FAM184A: variants seen among roughly 807,000 people sequenced by gnomAD.
FAM184A encodes the protein family with sequence similarity 184 member A, also known as protein FAM184A.
FAM184A carries 99 observed loss-of-function variants against 143.8 expected under a neutral mutation model. The observed-to-expected ratio is 0.69, with a 90% CI of 0.58 to 0.81. FAM184A has a LOEUF of 0.81. Among genes scored for constraint, FAM184A ranks in the 40% least tolerant of loss-of-function variants. The probability of loss-of-function intolerance (pLI) is 0.00; values close to 1 mark genes in which losing one functional copy is unlikely to be tolerated. For synonymous variants in FAM184A, 427 were observed against 446.4 expected, an observed-to-expected ratio of 0.96 and a Z score of 0.55; for missense variants, 1,217 against 1,310.5, an observed-to-expected ratio of 0.93 and a Z score of 1.10.
At chr6:119,013,801 C>T (rs1785159973) in intron 5 of FAM184A, among the ~76,000 whole-genome samples, 2 of 152,232 alleles carry the variant, frequency 1.3e-5, no homozygotes, top group African/African-American at 2.4e-5. Flanking sequence ...GGAAAGCACA[C>T]TGAGGCAGAT....
In FAM184A at chr6:118,970,808, C is replaced by T. The variant is rs145684458; in HGVS notation, c.2915+3620G>A. 9.2e-5 allele frequency among the ~76,000 whole-genome samples: 14 copies of T among 152,306 alleles called. No homozygotes were observed. The East Asian group carries it at 2.7e-3, about 29-fold the overall frequency. ...GGGCCACTGATGGATTCTCACCAGG[C>T]ATGCATGCCCTGCTTTCTTTGGCTC... On this transcript the variant is annotated intron_variant, in intron 14 of 17. Transcript: ENST00000338891.
chr6:119,066,947 G>A (rs1199396923), intron 1 of FAM184A, among the ~76,000 whole-genome samples: 1 of 152,212 alleles, frequency 6.6e-6, no homozygotes, highest in African/African-American at 2.4e-5. Context: ...CTCCCACAGT[G>A]ACAATTTATG....
chr6:118,999,106 T>C (rs909496319), intron 9 of FAM184A, among the ~76,000 whole-genome samples: 1 of 152,126 alleles, frequency 6.6e-6, no homozygotes, highest in African/African-American at 2.4e-5. Flanking sequence ...GATGAACTAG[T>C]TGTCTGGTGT....
rs1167976649 is a variant in FAM184A at position 119,110,801 on chromosome 6, T to G, written c.-202+38277A>C. Among the ~76,000 whole-genome samples, 4 of 152,344 alleles carry G rather than the reference T, an allele frequency of 2.6e-5. No individual in the cohort carries two copies. In the East Asian group the frequency reaches 5.8e-4, roughly 22 times the overall value. On this transcript the variant is annotated intron_variant, in intron 1 of 16. Coordinates refer to the FAM184A transcript ENST00000352896. ...AACCCACACAAATGCTTCCAGCATTTCTTATGTTGAACATAGGCGACCTGG... is the reference window on the plus strand; with the variant it reads ...AACCCACACAAATGCTTCCAGCATTGCTTATGTTGAACATAGGCGACCTGG...
intron 1 of FAM184A, among the ~76,000 whole-genome samples, chr6:119,105,937 A>C (rs548426908): frequency 6.6e-6 from 1 of 152,326 alleles, no homozygotes; most frequent in East Asian, 1.9e-4. Context: ...TAACGTGAAG[A>C]TATCAGTCAT....
intron 1 of FAM184A, among the ~76,000 whole-genome samples, chr6:119,051,671 T>TA (rs1786772472): frequency 6.6e-6 from 1 of 151,994 alleles, no homozygotes; most frequent in Non-Finnish European, 1.5e-5. Flanking sequence ...AATTTTTTTT[T>TA]AAAAAGAGAG....
chr6:118,989,123 G>A (rs530967126), intron 9 of FAM184A, among the ~76,000 whole-genome samples: 2 of 151,738 alleles, frequency 1.3e-5, no homozygotes, highest in African/African-American at 2.4e-5. Context: ...CACTGCGCCC[G>A]GCTAATTTTT....
At chr6:118,991,284 G>A (rs950650439) in intron 9 of FAM184A, among the ~76,000 whole-genome samples, 1 of 151,170 alleles carries the variant, frequency 6.6e-6, no homozygotes, top group Non-Finnish European at 1.5e-5. Context: ...TGCCTCAGCC[G>A]CCTGAGTAGC....
chr6:119,082,116 G>A (rs4621665), upstream of FAM184A, among the ~76,000 whole-genome samples: 19,081 of 152,124 alleles, frequency 0.13, 1,679 homozygotes, highest in African/African-American at 0.23. Context: ...CATAGGCCTG[G>A]GGGTGTAGCC....
intron 1 of FAM184A, among the ~76,000 whole-genome samples, chr6:119,098,011 G>C (rs1352318415): frequency 6.6e-6 from 1 of 152,094 alleles, no homozygotes; most frequent in Non-Finnish European, 1.5e-5. Context: ...GAGGAGGGAG[G>C]GTGATATGGT....
intron 9 of FAM184A, among the ~76,000 whole-genome samples, chr6:118,999,826 G>A (rs147008568): frequency 3.2e-4 from 49 of 152,282 alleles, no homozygotes; most frequent in Non-Finnish European, 6.5e-4. Flanking sequence ...TGGTAAGAGA[G>A]GTGCACAATT....
chr6:118,960,533 T>C (rs1397494991), intron 17 of FAM184A, among the ~76,000 whole-genome samples: 1 of 152,228 alleles, frequency 6.6e-6, no homozygotes. Flanking sequence ...GCACCTTTTC[T>C]CTTTTAGCTG....
At chr6:119,111,357 G>A (rs1296416412) in intron 1 of FAM184A, among the ~76,000 whole-genome samples, 1 of 152,176 alleles carries the variant, frequency 6.6e-6, no homozygotes, top group Non-Finnish European at 1.5e-5. Flanking sequence ...CAGGGGCTAG[G>A]GAGGAAGAGG....
chr6:119,082,090 C>T (rs1011399228), upstream of FAM184A, among the ~76,000 whole-genome samples: 1 of 152,196 alleles, frequency 6.6e-6, no homozygotes, highest in African/African-American at 2.4e-5. Flanking sequence ...TGCCTGTGCT[C>T]ACCTAGGTCC....
At chr6:119,058,251 T>C (rs1787083761) in intron 1 of FAM184A, among the ~76,000 whole-genome samples, 1 of 149,646 alleles carries the variant, frequency 6.7e-6, no homozygotes, top group Admixed American at 6.7e-5. Context: ...TGGCGTGATC[T>C]TGGCTCACTG....
intron 1 of FAM184A, among the ~76,000 whole-genome samples, chr6:119,116,229 T>C (rs1299132905): frequency 1.3e-5 from 2 of 152,078 alleles, no homozygotes; most frequent in Non-Finnish European, 2.9e-5. Context: ...CAGTAGTCCA[T>C]TATCCTAAGT....
In FAM184A at chr6:118,960,026, A is replaced by G; in HGVS notation, c.*77T>C. Reference sequence around the variant, plus strand: ...TCATTCACAGTGTTTGACATAGGAAAGCCTATTTACATAACAATCTGTATA... The same window carrying G: ...TCATTCACAGTGTTTGACATAGGAAGGCCTATTTACATAACAATCTGTATA... On this transcript the variant is annotated 3_prime_UTR_variant, in exon 18 of 18. Transcript: ENST00000338891. 1 of 1,118,100 alleles carries G rather than the reference A, an allele frequency of 8.9e-7. No individual in the cohort carries two copies. Among genetic ancestry groups the G allele is most frequent in the Admixed American group, 2.3e-5 (1 of 42,968 alleles). The allele number at this position is 1,118,100 out of a possible 1,614,324, so 69.3% of individuals were successfully genotyped here. A position where few individuals can be genotyped will look rare whatever the true frequency, so the allele number is the denominator to read the frequency against.
chr6:119,123,997 A>G (rs1789293373), intron 1 of FAM184A, among the ~76,000 whole-genome samples: 1 of 152,136 alleles, frequency 6.6e-6, no homozygotes, highest in Non-Finnish European at 1.5e-5. Flanking sequence ...AACTTTGCAC[A>G]CTCCCAAAAC....
At chr6:119,047,649 C>A (rs1288976529) in intron 1 of FAM184A, among the ~76,000 whole-genome samples, 2 of 152,148 alleles carry the variant, frequency 1.3e-5, no homozygotes, top group African/African-American at 4.8e-5. Flanking sequence ...AATTCCTGGA[C>A]ACATACACTC....
Sources: allele counts gnomAD v4.1 joint callset (sites outside exome capture counted in the v4.1 genomes callset), GRCh38; gene constraint gnomAD v4.1.1; transcripts MANE v1.5; gene names NCBI Gene and HGNC (gene_info 2026-07-23, HGNC 2026-07-21).